Variants in DPP10 observed in about 807,000 individuals in gnomAD.
DPP10 encodes the protein dipeptidyl peptidase like 10, also known as inactive dipeptidyl peptidase 10.
A neutral mutation model predicts 120.9 loss-of-function variants in DPP10; 33 were observed. That is an observed-to-expected ratio of 0.27 (90% confidence interval 0.21 to 0.37). The LOEUF is 0.37. Ranked by LOEUF, DPP10 falls within the 10% of genes least tolerant of loss-of-function variation. DPP10 has a pLI of 1.00. For missense variants in DPP10, 816 were observed against 942.8 expected (o/e 0.87, Z 1.76); for synonymous variants, 337 against 326.1 (o/e 1.03, Z -0.36).
chr2:115,093,556 T>C (rs904165915), intron 1 of DPP10, among the ~76,000 whole-genome samples: 2 of 152,110 alleles, frequency 1.3e-5, no homozygotes, highest in Admixed American at 1.3e-4. Flanking sequence ...AATAATAATT[T>C]GGTATCATGT....
At chr2:114,963,575 G>A (rs763663256) in intron 1 of DPP10, among the ~76,000 whole-genome samples, 1 of 152,192 alleles carries the variant, frequency 6.6e-6, no homozygotes, top group Non-Finnish European at 1.5e-5. Context: ...TAACCAGGCT[G>A]ATGCTCTGTG....
chr2:115,352,863 C>T (rs903719187), intron 3 of DPP10, among the ~76,000 whole-genome samples: 1 of 152,076 alleles, frequency 6.6e-6, no homozygotes, highest in African/African-American at 2.4e-5. Flanking sequence ...TCCTACATCT[C>T]TCTCTTTACT....
intron 3 of DPP10, among the ~76,000 whole-genome samples, chr2:115,363,756 T>G (rs2064924211): frequency 6.6e-6 from 1 of 152,246 alleles, no homozygotes; most frequent in Non-Finnish European, 1.5e-5. Context: ...CTCTAGACTC[T>G]ATGACTTTGG....
At chr2:115,426,876 C>T (rs1314004355) in intron 3 of DPP10, among the ~76,000 whole-genome samples, 3 of 152,212 alleles carry the variant, frequency 2.0e-5, no homozygotes, top group Non-Finnish European at 4.4e-5. Context: ...TTTAAAATCT[C>T]ATCTGAGACA....
intron 1 of DPP10, among the ~76,000 whole-genome samples, chr2:114,907,374 T>C (rs1000267543): frequency 2.0e-5 from 3 of 152,062 alleles, no homozygotes; most frequent in African/African-American, 4.8e-5. Context: ...TTCCTGTCTC[T>C]TAGCAAGAAA....
intron 1 of DPP10, among the ~76,000 whole-genome samples, chr2:115,021,816 T>G (rs1183866919): frequency 6.6e-6 from 1 of 152,098 alleles, no homozygotes; most frequent in African/African-American, 2.4e-5. Context: ...TCCACTGTGA[T>G]CAAGTGGGTT....
At chr2:114,842,334 A>G (rs1005436083) in intron 1 of DPP10, among the ~76,000 whole-genome samples, 1 of 152,120 alleles carries the variant, frequency 6.6e-6, no homozygotes, top group African/African-American at 2.4e-5. Flanking sequence ...TTTCTGGAGG[A>G]CTGTAGTGGA....
In DPP10 at chr2:114,674,784, G is replaced by A. The variant is rs974476225; in HGVS notation, c.60+231946G>A. On this transcript the variant is annotated intron_variant, in intron 1 of 25. Coordinates refer to ENST00000410059, the MANE Select transcript of DPP10 (RefSeq NM_020868.6). ...GGGTCGTTGATCCCAGTGAAGTACT[G>A]CATCAGACCACATGCTGTGTAAATG... 1.4e-4 allele frequency among the ~76,000 whole-genome samples: 22 copies of A among 152,292 alleles called. No individual in the cohort carries two copies. The South Asian group carries it at 4.6e-3, about 32-fold the overall frequency.
At chr2:115,662,771 C>A (rs1316571209) in intron 5 of DPP10, among the ~76,000 whole-genome samples, 4 of 152,180 alleles carry the variant, frequency 2.6e-5, no homozygotes, top group African/African-American at 9.6e-5. Context: ...TGCTTGTAGT[C>A]AAGAATTCTG....
At chr2:114,468,276 G>A (rs1352367533) in intron 1 of DPP10, among the ~76,000 whole-genome samples, 3 of 151,764 alleles carry the variant, frequency 2.0e-5, no homozygotes, top group African/African-American at 7.3e-5. Flanking sequence ...GTCAAAAGTA[G>A]TAGCAAGAGG....
intron 7 of DPP10, among the ~76,000 whole-genome samples, chr2:115,721,175 A>G (rs995641634): frequency 6.6e-6 from 1 of 152,194 alleles, no homozygotes; most frequent in Non-Finnish European, 1.5e-5. Context: ...CATTTTGCCA[A>G]TTATAATTCC....
At chr2:115,735,584 G>A (rs182543510) in intron 8 of DPP10, among the ~76,000 whole-genome samples, 17 of 149,874 alleles carry the variant, frequency 1.1e-4, no homozygotes, top group African/African-American at 3.4e-4. Context: ...GCAGTGGCAC[G>A]ATCCCGGCTC....
At position 115,223,230 on chromosome 2, in the gene DPP10, T is replaced by C. The variant is rs149830790; in HGVS notation, c.61-86009T>C. 2.5e-3 allele frequency among the ~76,000 whole-genome samples: 386 copies of C among 152,246 alleles called. 3 individuals are homozygous for C. Among genetic ancestry groups the C allele is most frequent in the Non-Finnish European group, 1.2e-3 (85 of 68,008 alleles). On this transcript the variant is annotated intron_variant, in intron 1 of 25. Coordinates refer to ENST00000410059, the MANE Select transcript of DPP10 (RefSeq NM_020868.6). ...TTTCCCTCAAGTAAGTTTTAACTTT[T>C]GCTTAAAAACATTAATTTTAAGGAT...
At position 115,262,570 on chromosome 2, in the gene DPP10, TTC is replaced by T. The variant is rs1176401463; in HGVS notation, c.61-46667_61-46666del. ...TATAACATTTTTATAAACGTATTGT[TTC>T]TGTTTCAAACATGAGTCTTGGTCAA... On this transcript the variant is annotated intron_variant, in intron 1 of 25. Coordinates refer to ENST00000410059, the MANE Select transcript of DPP10 (RefSeq NM_020868.6). Among the ~76,000 whole-genome samples, 10 of 152,258 alleles carry T rather than the reference TTC, an allele frequency of 6.6e-5. No individual in the cohort carries two copies. In the East Asian group the frequency reaches 1.9e-3, roughly 29 times the overall value.
chr2:115,813,295 C>G (rs994749556), intron 19 of DPP10, among the ~76,000 whole-genome samples: 2 of 152,142 alleles, frequency 1.3e-5, no homozygotes, highest in African/African-American at 4.8e-5. Flanking sequence ...GGCTAGAAGT[C>G]AAAGATCAAT....
At chr2:115,573,581 CTTTTTTTT>C (rs767336910) in intron 5 of DPP10, among the ~76,000 whole-genome samples, 1 of 70,270 alleles carries the variant, frequency 1.4e-5, no homozygotes, top group Admixed American at 2.2e-4. Context: ...TGCGCCCGGC[CTTTTTTTT>C]TTTTTTTTTT....
chr2:115,676,793 A>C (rs1453207675), intron 5 of DPP10, among the ~76,000 whole-genome samples: 1 of 152,234 alleles, frequency 6.6e-6, no homozygotes, highest in Admixed American at 6.5e-5. Context: ...GTAATAGCTG[A>C]AAACTCAATT....
At chr2:115,711,341 A>G (rs2092308008) in intron 7 of DPP10, among the ~76,000 whole-genome samples, 2 of 152,100 alleles carry the variant, frequency 1.3e-5, no homozygotes, top group Non-Finnish European at 2.9e-5. Flanking sequence ...AGATGAGAAA[A>G]ATGAGGGATA....
At chr2:115,487,023 T>C (rs1295292301) in intron 3 of DPP10, among the ~76,000 whole-genome samples, 1 of 152,186 alleles carries the variant, frequency 6.6e-6, no homozygotes, top group Non-Finnish European at 1.5e-5. Context: ...AGGTAAATGC[T>C]TTTATTTTGG....
Sources: allele counts gnomAD v4.1 joint callset (sites outside exome capture counted in the v4.1 genomes callset), GRCh38; gene constraint gnomAD v4.1.1; transcripts MANE v1.5; gene names NCBI Gene and HGNC (gene_info 2026-07-23, HGNC 2026-07-21).